Variants in SNAPC4 observed in about 807,000 individuals in gnomAD.
SNAPC4 encodes the protein snRNA-activating protein complex subunit 4.
A neutral mutation model predicts 151.3 loss-of-function variants in SNAPC4; 127 were observed. That is an observed-to-expected ratio of 0.84 (90% CI 0.73 to 0.97). The LOEUF (loss-of-function observed/expected upper bound fraction) is 0.97. Among genes scored for constraint, SNAPC4 ranks in the 50% least tolerant of loss-of-function variants. The pLI is 0.00. For missense variants in SNAPC4, 2,186 were observed against 1,935.0 expected, an observed-to-expected ratio of 1.13 and a Z score of -2.43; for synonymous variants, 1,002 against 824.4, an observed-to-expected ratio of 1.22 and a Z score of -3.69.
At chr9:136,380,111 C>T (rs550626969) in intron 20 of SNAPC4, among the ~76,000 whole-genome samples, 3 of 152,316 alleles carry the variant, frequency 2.0e-5, no homozygotes, top group East Asian at 1.9e-4. Flanking sequence ...GCTGGAGACA[C>T]GCTCTGCACC....
intron 22 of SNAPC4, among the ~76,000 whole-genome samples, chr9:136,376,711 C>T (rs985488064): frequency 6.6e-6 from 1 of 152,200 alleles, no homozygotes; most frequent in Non-Finnish European, 1.5e-5. Context: ...GGGCCTCCCA[C>T]TCCCCCATGG....
intron 2 of SNAPC4, 112 bp from the exon 3 acceptor site, chr9:136,397,135 C>T (rs1410126508): frequency 4.2e-6 from 4 of 957,968 alleles, no homozygotes; most frequent in Non-Finnish European, 6.8e-6. Context: ...AGTGACAGCG[C>T]CTCAGGCTGA....
chr9:136,394,409 C>G, intron 6 of SNAPC4, 79 bp from the exon 7 acceptor site: 1 of 1,326,010 alleles, frequency 7.5e-7, no homozygotes, highest in Non-Finnish European at 1.1e-6. Flanking sequence ...TGTGCACTTC[C>G]CGAGGCAGTG....
intron 1 of SNAPC4, 151 bp from the exon 2 acceptor site, chr9:136,398,588 G>T (rs975044074): frequency 2.4e-6 from 2 of 827,228 alleles, no homozygotes; most frequent in East Asian, 2.5e-5. Context: ...GCCAGGCACA[G>T]AATCGGGGAA....
chr9:136,378,701 G>A lies in SNAPC4; in HGVS notation c.3126C>T (p.Pro1042=). The part of the protein sequence containing the change: ...SRKQGLPEAP[P]FLPAAPSPTP... ...TGGGGCTGGGGGCTGCGGGGAGAAAGGGTGGCGCCTCAGGCAGGCCCTGCT... is the reference window on the plus strand; with the variant it reads ...TGGGGCTGGGGGCTGCGGGGAGAAAAGGTGGCGCCTCAGGCAGGCCCTGCT... Residue 1042 remains proline (P), a synonymous_variant, in exon 22 of 24, where the codon CCC becomes CCT. Coordinates refer to ENST00000684778, the MANE Select transcript of SNAPC4 (RefSeq NM_003086.4). The A allele has an allele frequency of 6.7e-7, 1 of 1,497,884 alleles. No homozygotes were observed. The highest frequency in any genetic ancestry group is 1.4e-5 in the African/African-American group (1 of 72,090). 92.8% of individuals were successfully genotyped at this position (1,497,884 alleles called of 1,614,324 possible).
chr9:136,399,691 G>T (rs1376716899), intron 1 of SNAPC4, among the ~76,000 whole-genome samples: 1 of 152,200 alleles, frequency 6.6e-6, no homozygotes, highest in African/African-American at 2.4e-5. Flanking sequence ...CCCAGACTCG[G>T]CTGGGCCCAG....
At chr9:136,391,796 C>G (rs1316414561) in intron 10 of SNAPC4, 146 bp downstream of exon 10, 2 of 874,948 alleles carry the variant, frequency 2.3e-6, no homozygotes, top group East Asian at 2.7e-5. Context: ...GGCTCCTTCC[C>G]TAGGGCCACA....
chr9:136,384,751 C>T lies in SNAPC4; in HGVS notation c.1389G>A (p.Gln463=), dbSNP rs985141941. The change falls in exon 14 of 24, where the codon CAG becomes CAA. Residue 463 remains glutamine (Q), a synonymous_variant. Coordinates refer to ENST00000684778, the MANE Select transcript of SNAPC4 (RefSeq NM_003086.4). ...KGRWNLKEEE[Q]LIELIEKYGV... is the part of the protein sequence containing the mutation. ...CATATTTTTCTATTAATTCAATTAA[C>T]TGTTCCTCTTCTTTTAAATTCCACC... The T allele has an allele frequency of 1.3e-6, 2 of 1,578,272 alleles. No homozygotes were observed. The highest frequency in any genetic ancestry group is 1.7e-6 in the Non-Finnish European group (2 of 1,153,110).
rs755945001 is a variant in SNAPC4, at chr9:136,382,291, C to G, written c.2029G>C (p.Val677Leu). 3 of 1,613,098 alleles carry G rather than the reference C, an allele frequency of 1.9e-6. No individual in the cohort carries two copies. The highest frequency in any genetic ancestry group is 1.3e-5 in the African/African-American group (1 of 75,052). ...CGAGCAGCCGTGTTGGCCCTGAGCA[C>G]CCTCAGCACGGTCTCCACAGGCACT... Reference protein sequence around the residue: ...LTVPVETVLRVLRANTAARSC... With the variant: ...LTVPVETVLRLLRANTAARSC... Residue 677 changes from valine to leucine, a missense_variant, in exon 17 of 24, where the codon GTG (valine) becomes CTG (leucine). By Grantham distance (32) the Val-to-Leu change is conservative (BLOSUM62 1). Transcript: ENST00000684778.
chr9:136,398,029 C>CA (rs1233436525), intron 2 of SNAPC4, among the ~76,000 whole-genome samples: 2 of 151,968 alleles, frequency 1.3e-5, no homozygotes, highest in African/African-American at 2.4e-5. Flanking sequence ...CCAGTGTTGG[C>CA]AAAAAATTGG....
rs371014868 is a variant in SNAPC4 at position 136,398,255 on chromosome 9, C to G, written c.130+44G>C. 43 of 1,578,530 alleles carry G rather than the reference C, an allele frequency of 2.7e-5. No individual in the cohort carries two copies. The African/African-American group carries it at 5.2e-4, about 19-fold the overall frequency. On this transcript the variant is annotated intron_variant, in intron 2 of 23. Coordinates refer to ENST00000684778, the MANE Select transcript of SNAPC4 (RefSeq NM_003086.4). The stretch of plus-strand genomic sequence containing the variant: ...GAGAGGAACCCAGGAGGCAGACCAG[C>G]TGTTCTTACCAGGACCCCAGGAGGC...
intron 3 of SNAPC4, among the ~76,000 whole-genome samples, chr9:136,396,236 G>T (rs906586669): frequency 1.4e-4 from 21 of 152,354 alleles, no homozygotes; most frequent in African/African-American, 5.0e-4. Flanking sequence ...GGCTACAGCA[G>T]GGTGCTCACT....
chr9:136,377,240 T>C (rs1413746137), intron 22 of SNAPC4, among the ~76,000 whole-genome samples: 2 of 152,112 alleles, frequency 1.3e-5, no homozygotes, highest in African/African-American at 4.8e-5. Flanking sequence ...TCAGCGTCCA[T>C]CCCAGAGCTT....
chr9:136,386,200 C>A (rs1399502049), intron 13 of SNAPC4, among the ~76,000 whole-genome samples: 1 of 151,336 alleles, frequency 6.6e-6, no homozygotes, highest in Non-Finnish European at 1.5e-5. Context: ...TTTTGACTTG[C>A]ACTTCCCTAA....
At position 136,392,846 on chromosome 9, in the gene SNAPC4, A is replaced by T. The variant is rs967494537; in HGVS notation, c.633-69T>A. The stretch of plus-strand genomic sequence containing the variant: ...GCGGGGCGGGGCAGGTTCTCTGCAC[A>T]TTACAGGGCAAGGAGTGTGAGCTCA... On this transcript the variant is annotated intron_variant, in intron 7 of 23. Coordinates refer to ENST00000684778, the MANE Select transcript of SNAPC4 (RefSeq NM_003086.4). The T allele has an allele frequency of 3.2e-6, 4 of 1,247,560 alleles. No individual in the cohort carries two copies. In the East Asian group the frequency reaches 9.6e-5, roughly 30 times the overall value. The allele number at this position is 1,247,560 out of a possible 1,614,324, so 77.3% of individuals were successfully genotyped here. A position where few individuals can be genotyped will look rare whatever the true frequency, so the allele number is the denominator to read the frequency against.
At chr9:136,384,236 G>A (rs1833813121) in intron 14 of SNAPC4, among the ~76,000 whole-genome samples, 1 of 152,130 alleles carries the variant, frequency 6.6e-6, no homozygotes, top group African/African-American at 2.4e-5. Flanking sequence ...GGAAAGTTCT[G>A]CCAAACATGT....
chr9:136,378,776 G>A lies in SNAPC4; in HGVS notation c.3051C>T (p.Ser1017=). The A allele has an allele frequency of 6.5e-7, 1 of 1,547,874 alleles. No homozygotes were observed. The highest frequency in any genetic ancestry group is 1.4e-5 in the African/African-American group (1 of 73,464). The change falls in exon 22 of 24, where the codon AGC becomes AGT. Residue 1017 remains serine, a synonymous_variant. Transcript: ENST00000684778. ...PALGPGQISV[S]CPESGLGQSQ... ...ACTGTCCGAGACCACTCTCGGGGCAGCTCACAGAGATCTGGCCGGGGCCCA... is the reference window on the plus strand; with the variant it reads ...ACTGTCCGAGACCACTCTCGGGGCAACTCACAGAGATCTGGCCGGGGCCCA...
At chr9:136,394,196 T>G in intron 7 of SNAPC4, 53 bp downstream of exon 7, 2 of 1,409,622 alleles carry the variant, frequency 1.4e-6, no homozygotes, top group Non-Finnish European at 2.0e-6. Context: ...ATTCCAGGCA[T>G]GAGCCCTATG....
intron 6 of SNAPC4, 76 bp downstream of exon 6, chr9:136,394,724 G>C (rs982560085): frequency 1.5e-6 from 2 of 1,341,174 alleles, no homozygotes; most frequent in Admixed American, 3.5e-5. Context: ...AGAACTTGGG[G>C]AGAAACTGGG....
Sources: allele counts gnomAD v4.1 joint callset (sites outside exome capture counted in the v4.1 genomes callset), GRCh38; gene constraint gnomAD v4.1.1; transcripts MANE v1.5; gene names NCBI Gene and HGNC (gene_info 2026-07-23, HGNC 2026-07-21).